MIGA2: variants seen among roughly 807,000 people sequenced by gnomAD.
MIGA2 encodes family with sequence similarity 73, member B.
MIGA2 carries 36 observed loss-of-function variants against 69.9 expected under a neutral mutation model. The ratio of observed to expected loss-of-function variants is 0.52; its 90% CI spans 0.39 to 0.68. The LOEUF is 0.68. MIGA2 is among the 30% of genes least tolerant of loss of function. MIGA2 has a pLI of 0.00. For synonymous variants in MIGA2, 333 were observed against 349.2 expected (o/e 0.95, Z 0.52); for missense variants, 660 against 787.7 (o/e 0.84, Z 1.94).
intron 1 of MIGA2, among the ~76,000 whole-genome samples, chr9:129,038,745 A>T (rs530488496): frequency 7.3e-5 from 11 of 150,864 alleles, no homozygotes; most frequent in African/African-American, 2.7e-4. Context: ...GCTGGGGGGA[A>T]GGTGGGTGGC....
intron 4 of MIGA2, among the ~76,000 whole-genome samples, chr9:129,048,910 T>A (rs1176442704): frequency 6.6e-6 from 1 of 152,082 alleles, no homozygotes. Flanking sequence ...GGCTTTTGGT[T>A]CATTCACTCA....
rs187907425 is a variant in MIGA2, at chr9:129,070,772, G to C, written c.*319G>C. 8.3e-5 allele frequency: 31 copies of C among 374,396 alleles called. No individual in the cohort carries two copies. In the East Asian group the frequency reaches 1.3e-3, roughly 15 times the overall value. 23.2% of individuals were successfully genotyped at this position (374,396 alleles called of 1,614,324 possible). On this transcript the variant is annotated 3_prime_UTR_variant, in exon 16 of 16. Coordinates refer to ENST00000684074, the MANE Select transcript of MIGA2 (RefSeq NM_001329990.2). The stretch of plus-strand genomic sequence containing the variant: ...CCATCGCTCCAGGGCTGCTGACAAG[G>C]GTGCTGGGAGGGTGGAGGTGAAGGA...
At chr9:129,057,085 C>T (rs1845835713) in intron 6 of MIGA2, among the ~76,000 whole-genome samples, 1 of 151,654 alleles carries the variant, frequency 6.6e-6, no homozygotes, top group Non-Finnish European at 1.5e-5. Context: ...ACTGCATTTG[C>T]AAAAAACAGT....
At chr9:129,050,648 C>A (rs1031589419) in intron 6 of MIGA2, among the ~76,000 whole-genome samples, 1 of 149,886 alleles carries the variant, frequency 6.7e-6, no homozygotes, top group African/African-American at 2.5e-5. Context: ...CTTGGCTCTC[C>A]GTAACCTCCG....
At chr9:129,050,022 G>A (rs1035774253) in intron 6 of MIGA2, 59 bp downstream of exon 6, 1 of 1,560,016 alleles carries the variant, frequency 6.4e-7, no homozygotes, top group African/African-American at 1.4e-5. Flanking sequence ...CACAGGAGAG[G>A]GGCGGCCACA....
chr9:129,038,601 T>C (rs1203135663), intron 1 of MIGA2, among the ~76,000 whole-genome samples: 1 of 152,092 alleles, frequency 6.6e-6, no homozygotes, highest in Non-Finnish European at 1.5e-5. Context: ...TGCTACTTCC[T>C]GCTGCATGTC....
intron 2 of MIGA2, among the ~76,000 whole-genome samples, chr9:129,041,326 C>T (rs531548831): frequency 9.3e-4 from 139 of 149,408 alleles, no homozygotes; most frequent in Non-Finnish European, 1.5e-3. Context: ...AGCGAGACTC[C>T]GCCTCAAAAA....
rs1245358224 is a variant in MIGA2 at position 129,071,904 on chromosome 9, G to A, written c.*1451G>A. 6.5e-6 allele frequency: 1 copy of A among 152,698 alleles called. No individual in the cohort carries two copies. Among genetic ancestry groups the A allele is most frequent in the Non-Finnish European group, 1.5e-5 (1 of 68,064 alleles). 9.5% of individuals were successfully genotyped at this position (152,698 alleles called of 1,614,324 possible). A position where few individuals can be genotyped will look rare whatever the true frequency, so the allele number is the denominator to read the frequency against. The stretch of plus-strand genomic sequence containing the variant: ...CATCCTGTTCTTTTGCACTTACCCT[G>A]TGCTGTGAATGTAACAGTGGGCCTT... On this transcript the variant is annotated 3_prime_UTR_variant, in exon 16 of 16. Coordinates refer to ENST00000684074, the MANE Select transcript of MIGA2 (RefSeq NM_001329990.2).
chr9:129,060,370 A>C lies in MIGA2; in HGVS notation c.794-180A>C, dbSNP rs1440903725. On this transcript the variant is annotated intron_variant, in intron 7 of 15. Coordinates refer to ENST00000684074, the MANE Select transcript of MIGA2 (RefSeq NM_001329990.2). This position sits in a 1 kb window ranked among gnomAD's most constrained non-coding sequence, Gnocchi z 4.8. ...TTGAAGGAGGTCACTCACTGAGGCG[A>C]GGAGTCCAGCGTCCTCACACAGAAG... The C allele has an allele frequency of 9.0e-6, 5 of 556,654 alleles. No individual in the cohort carries two copies. Among genetic ancestry groups the C allele is most frequent in the Non-Finnish European group, 1.6e-5 (5 of 312,338 alleles). 34.5% of individuals were successfully genotyped at this position (556,654 alleles called of 1,614,324 possible). A position where few individuals can be genotyped will look rare whatever the true frequency, so the allele number is the denominator to read the frequency against.
chr9:129,052,813 G>A (rs1845616037), intron 6 of MIGA2, among the ~76,000 whole-genome samples: 1 of 152,176 alleles, frequency 6.6e-6, no homozygotes, highest in Admixed American at 6.5e-5. Context: ...AGCTCAGGAT[G>A]TGAAGGTCAG....
rs542705084 is a variant in MIGA2, at chr9:129,042,642, T to A, written c.307+128T>A. ...CTGTCTCAGAGCCAAGGTCTCCTGATCTGTGAGCGGGATGACAGTAGCGTC... is the reference window on the plus strand; with the variant it reads ...CTGTCTCAGAGCCAAGGTCTCCTGAACTGTGAGCGGGATGACAGTAGCGTC... On this transcript the variant is annotated intron_variant, in intron 3 of 15. Coordinates refer to ENST00000684074, the MANE Select transcript of MIGA2 (RefSeq NM_001329990.2). 4.2e-6 allele frequency: 4 copies of A among 959,654 alleles called. No homozygotes were observed. The East Asian group carries it at 1.1e-4, about 25-fold the overall frequency. 59.4% of individuals were successfully genotyped at this position (959,654 alleles called of 1,614,324 possible).
chr9:129,045,405 G>C (rs1379426121), intron 3 of MIGA2, among the ~76,000 whole-genome samples: 1 of 129,734 alleles, frequency 7.7e-6, no homozygotes, highest in African/African-American at 3.0e-5. Flanking sequence ...TCACACCACT[G>C]CACTCCAGCC....
intron 11 of MIGA2, among the ~76,000 whole-genome samples, chr9:129,065,572 A>G (rs1812419715): frequency 6.7e-6 from 1 of 150,338 alleles, no homozygotes; most frequent in Non-Finnish European, 1.5e-5. Context: ...CTGGTCTCGA[A>G]CTCCTGACCT....
At chr9:129,048,016 C>G (rs572180961) in intron 3 of MIGA2, among the ~76,000 whole-genome samples, 1 of 152,312 alleles carries the variant, frequency 6.6e-6, no homozygotes, top group Non-Finnish European at 1.5e-5. Flanking sequence ...TAGGTGTGAG[C>G]CACCGTGCCC....
Position 129,068,011 on chromosome 9 carries a change from T to TGCCCC in MIGA2, c.1269+141_1269+145dup. 1 of 1,272,970 alleles carries TGCCCC rather than the reference T, an allele frequency of 7.9e-7. No individual in the cohort carries two copies. Among genetic ancestry groups the TGCCCC allele is most frequent in the Non-Finnish European group, 1.1e-6 (1 of 899,838 alleles). The allele number at this position is 1,272,970 out of a possible 1,614,324, so 78.9% of individuals were successfully genotyped here. A position where few individuals can be genotyped will look rare whatever the true frequency, so the allele number is the denominator to read the frequency against. On this transcript the variant is annotated intron_variant, in intron 12 of 15. Coordinates refer to ENST00000684074, the MANE Select transcript of MIGA2 (RefSeq NM_001329990.2). The surrounding 1 kb of genome is among the most constrained non-coding windows in gnomAD (Gnocchi z 4.1). ...TGCTCATAGTCCCCGGTTCCTGCCC[T>TGCCCC]GCCCCAGGCCAAGGCAGAGGGAGGA... is the stretch of plus-strand genomic sequence containing the variant.
At chr9:129,056,110 G>C (rs1845781380) in intron 6 of MIGA2, among the ~76,000 whole-genome samples, 1 of 140,244 alleles carries the variant, frequency 7.1e-6, no homozygotes, top group Non-Finnish European at 1.5e-5. Flanking sequence ...ATGGGCAACA[G>C]AGCAAGACCC....
chr9:129,063,119 C>A, intron 9 of MIGA2, 125 bp from the exon 10 acceptor site: 2 of 941,442 alleles, frequency 2.1e-6, no homozygotes, highest in Non-Finnish European at 3.3e-6. Context: ...GGCCACACTG[C>A]CAGGCTGAGG....
At chr9:129,037,067 C>G in intron 1 of MIGA2, 2 of 1,001,364 alleles carry the variant, frequency 2.0e-6, no homozygotes, top group Non-Finnish European at 2.4e-6. Flanking sequence ...AGGGGCTGCC[C>G]AAGATGCCTG....
At chr9:129,045,949 G>T (rs1037792158) in intron 3 of MIGA2, among the ~76,000 whole-genome samples, 2 of 151,562 alleles carry the variant, frequency 1.3e-5, no homozygotes, top group African/African-American at 4.9e-5. Flanking sequence ...CGCCTCCCGG[G>T]TTCAAGCAAT....
Sources: allele counts gnomAD v4.1 joint callset (sites outside exome capture counted in the v4.1 genomes callset), GRCh38; gene constraint gnomAD v4.1.1; non-coding constraint Gnocchi (gnomAD v3.1); transcripts MANE v1.5; gene names NCBI Gene and HGNC (gene_info 2026-07-23, HGNC 2026-07-21).